The following KAZN variants were observed in gnomAD, a reference collection of about 807,000 sequenced individuals.
KAZN encodes kazrin, periplakin interacting protein, also known as kazrin.
KAZN carries 40 observed loss-of-function variants against 87.4 expected under a neutral mutation model. The observed-to-expected ratio is 0.46, with a 90% CI of 0.36 to 0.60. The LOEUF (loss-of-function observed/expected upper bound fraction) is 0.60. KAZN is among the 20% of genes least tolerant of loss of function. The pLI, the probability that KAZN is intolerant of heterozygous loss-of-function variation, is 0.00. For missense variants in KAZN, 898 were observed against 1,073.9 expected (o/e 0.84, Z 2.29); for synonymous variants, 466 against 458.3 (o/e 1.02, Z -0.22).
chr1:14,850,320 C>A (rs1649291048), intron 1 of KAZN, among the ~76,000 whole-genome samples: 1 of 152,162 alleles, frequency 6.6e-6, no homozygotes, highest in Admixed American at 6.5e-5. Context: ...CATAAACCAA[C>A]ATGACCTTGG....
At chr1:15,114,064 A>T (rs2100760206) in intron 14 of KAZN, 2 of 163,566 alleles carry the variant, frequency 1.2e-5, no homozygotes, top group South Asian at 3.4e-4. Context: ...GGCCGTCTAG[A>T]ATATTCCTCC....
At chr1:14,728,851 C>T (rs973631561) in intron 1 of KAZN, among the ~76,000 whole-genome samples, 4 of 152,268 alleles carry the variant, frequency 2.6e-5, no homozygotes, top group South Asian at 4.2e-4. Flanking sequence ...ATCCTTGCCT[C>T]ATAAAGTTCT....
At chr1:14,418,038 A>AAAAAAAC (rs2101265034) in intron 2 of KAZN, among the ~76,000 whole-genome samples, 1 of 133,266 alleles carries the variant, frequency 7.5e-6, no homozygotes, top group Non-Finnish European at 1.6e-5. Flanking sequence ...AAAAAAAAAA[A>AAAAAAAC]AAAAAACCTA....
chr1:14,453,223 G>A (rs952148494), intron 2 of KAZN, among the ~76,000 whole-genome samples: 7 of 151,996 alleles, frequency 4.6e-5, no homozygotes, highest in African/African-American at 1.4e-4. Flanking sequence ...CCAAAGTGCT[G>A]GGATTACAGG....
chr1:14,965,348 T>G (rs1034325806), intron 2 of KAZN, among the ~76,000 whole-genome samples: 17 of 152,258 alleles, frequency 1.1e-4, no homozygotes, highest in Admixed American at 1.0e-3. Flanking sequence ...ATGTATAAAC[T>G]GCATGAGCCC....
intron 2 of KAZN, among the ~76,000 whole-genome samples, chr1:14,466,277 G>T (rs1314087887): frequency 6.6e-6 from 1 of 151,874 alleles, no homozygotes; most frequent in Non-Finnish European, 1.5e-5. Flanking sequence ...ATGACATGCA[G>T]TATCACACAG....
At position 15,081,522 on chromosome 1, in the gene KAZN, G is replaced by A. The variant is rs950248470; in HGVS notation, c.1223-12658G>A. Reference sequence around the variant, plus strand: ...ACACAACTGTTCGTTTCAGCTGTGAGAGATGTCATGCAGGAAAGGTTCCAG... The same window carrying A: ...ACACAACTGTTCGTTTCAGCTGTGAAAGATGTCATGCAGGAAAGGTTCCAG... On this transcript the variant is annotated intron_variant, in intron 8 of 14. Coordinates refer to ENST00000376030, the MANE Select transcript of KAZN (RefSeq NM_201628.3). This position sits in a 1 kb window ranked among gnomAD's most constrained non-coding sequence, Gnocchi z 4.1. Among the ~76,000 whole-genome samples the A allele has an allele frequency of 1.3e-5, 2 of 152,144 alleles. No individual in the cohort carries two copies. Among genetic ancestry groups the A allele is most frequent in the Non-Finnish European group, 2.9e-5 (2 of 68,034 alleles).
rs535366335 is a variant in KAZN, at chr1:14,278,505, G to A, written c.249+97913G>A. 3.9e-5 allele frequency among the ~76,000 whole-genome samples: 6 copies of A among 152,066 alleles called. No individual in the cohort carries two copies. In the South Asian group the frequency reaches 1.2e-3, roughly 32 times the overall value. Reference sequence around the variant, plus strand: ...GGGTTTTACGACGTTGGCCAGGCTGGTCTTGAACTCCTGACCTCAGGTAAT... The same window carrying A: ...GGGTTTTACGACGTTGGCCAGGCTGATCTTGAACTCCTGACCTCAGGTAAT... On this transcript the variant is annotated intron_variant, in intron 2 of 16. Coordinates refer to the KAZN transcript ENST00000636203.
chr1:13,952,323 T>C (rs1187289691), intron 1 of KAZN, among the ~76,000 whole-genome samples: 1 of 147,056 alleles, frequency 6.8e-6, no homozygotes, highest in African/African-American at 2.5e-5. Context: ...GAGTCTTAGG[T>C]ATAAAATGGA....
At chr1:14,931,316 T>C (rs1032474919) in intron 1 of KAZN, among the ~76,000 whole-genome samples, 50 of 151,844 alleles carry the variant, frequency 3.3e-4, no homozygotes, top group African/African-American at 1.2e-3. Flanking sequence ...TGGTGGCGCA[T>C]GCCTGTAGTC....
At chr1:14,738,505 C>T (rs528271899) in intron 1 of KAZN, among the ~76,000 whole-genome samples, 1 of 152,032 alleles carries the variant, frequency 6.6e-6, no homozygotes, top group African/African-American at 2.4e-5. Flanking sequence ...TCCAATTAAT[C>T]AGCAAATAAA....
intron 2 of KAZN, among the ~76,000 whole-genome samples, chr1:14,299,998 G>A (rs1365084752): frequency 2.0e-5 from 3 of 152,112 alleles, no homozygotes; most frequent in Admixed American, 6.5e-5. Flanking sequence ...GTGGGGGTAG[G>A]AGGGGGAATA....
chr1:14,784,791 C>G (rs905668185), intron 1 of KAZN, among the ~76,000 whole-genome samples: 4 of 152,064 alleles, frequency 2.6e-5, no homozygotes, highest in East Asian at 3.9e-4. Flanking sequence ...TACTCCAGAC[C>G]AGAGAAAGCT....
intron 2 of KAZN, among the ~76,000 whole-genome samples, chr1:14,524,157 G>C (rs1340574778): frequency 6.6e-6 from 1 of 152,116 alleles, no homozygotes; most frequent in African/African-American, 2.4e-5. Flanking sequence ...GAGTAGCTGG[G>C]ATTACAGGCA....
chr1:14,732,145 C>T (rs143626315), intron 1 of KAZN, among the ~76,000 whole-genome samples: 53 of 152,312 alleles, frequency 3.5e-4, no homozygotes, highest in Non-Finnish European at 6.5e-4. Flanking sequence ...CATTCCATTC[C>T]GCTACATTCC....
intron 2 of KAZN, among the ~76,000 whole-genome samples, chr1:14,436,612 A>C (rs1332709294): frequency 6.6e-6 from 1 of 150,548 alleles, no homozygotes; most frequent in African/African-American, 2.4e-5. Context: ...CAGCTACTTG[A>C]GAAGCTGAGG....
In KAZN at chr1:14,383,365, G is replaced by T. The variant is rs1661549008; in HGVS notation, c.249+202773G>T. Among the ~76,000 whole-genome samples, 3 of 151,910 alleles carry T rather than the reference G, an allele frequency of 2.0e-5. No individual in the cohort carries two copies. The South Asian group carries it at 6.2e-4, about 32-fold the overall frequency. On this transcript the variant is annotated intron_variant, in intron 2 of 16. Coordinates refer to the KAZN transcript ENST00000636203. ...TTGTCTTTTGTTGCCATTGCTTTTGGTGTTTTAGATATGAAGTCCTTGCCC... is the reference window on the plus strand; with the variant it reads ...TTGTCTTTTGTTGCCATTGCTTTTGTTGTTTTAGATATGAAGTCCTTGCCC...
At chr1:15,049,391 A>T (rs905498626) in intron 4 of KAZN, among the ~76,000 whole-genome samples, 4 of 152,200 alleles carry the variant, frequency 2.6e-5, no homozygotes, top group Admixed American at 2.6e-4. Flanking sequence ...TTGGGGCCAC[A>T]TAACAGTGGT....
chr1:14,357,840 G>A (rs1003102482), intron 2 of KAZN, among the ~76,000 whole-genome samples: 2 of 152,146 alleles, frequency 1.3e-5, no homozygotes, highest in African/African-American at 2.4e-5. Flanking sequence ...TTTTATTGAG[G>A]ATTTTTGCAC....
Sources: allele counts gnomAD v4.1 joint callset (sites outside exome capture counted in the v4.1 genomes callset), GRCh38; gene constraint gnomAD v4.1.1; non-coding constraint Gnocchi (gnomAD v3.1); transcripts MANE v1.5; gene names NCBI Gene and HGNC (gene_info 2026-07-23, HGNC 2026-07-21).